The following RHBG variants were observed in gnomAD, a reference collection of about 807,000 sequenced individuals.
RHBG encodes Rh family B glycoprotein, also known as ammonium transporter Rh type B.
Under a neutral mutation model 40.1 loss-of-function variants are expected in RHBG, and 39 were observed. The observed-to-expected ratio is 0.97, with a 90% CI of 0.75 to 1.27. The LOEUF is 1.27. RHBG is among the 50% of genes most tolerant of loss of function. The pLI is 0.00. For synonymous variants in RHBG, 237 were observed against 252.5 expected (o/e 0.94, Z 0.58); for missense variants, 549 against 588.1 (o/e 0.93, Z 0.69).
At position 156,384,801 on chromosome 1, in the gene RHBG, G is replaced by A. The variant is rs772747845; in HGVS notation, c.1333G>A (p.Ala445Thr). The A allele has an allele frequency of 6.2e-7, 1 of 1,614,038 alleles. No individual in the cohort carries two copies. Among genetic ancestry groups the A allele is most frequent in the Non-Finnish European group, 8.5e-7 (1 of 1,179,972 alleles). Residue 445 changes from alanine (A) to threonine (T), a missense_variant, in exon 10 of 10, where the codon GCC becomes ACC. By Grantham distance (58) the Ala-to-Thr change is moderately conservative. Transcript: ENST00000537040. ...WQVPGEHEDK[A>T]QRPLRVEEAD... ...GGTGCCTGGCGAGCATGAGGATAAA[G>A]CCCAGAGACCTCTGAGGGTGGAGGA...
At chr1:156,379,953 T>G (rs992384715) in intron 4 of RHBG, among the ~76,000 whole-genome samples, 1 of 152,106 alleles carries the variant, frequency 6.6e-6, no homozygotes, top group Non-Finnish European at 1.5e-5. Context: ...GCCCAGCCCA[T>G]TCAGTACTCA....
At chr1:156,383,177 A>T (rs1032032719) in intron 8 of RHBG, among the ~76,000 whole-genome samples, 3 of 152,188 alleles carry the variant, frequency 2.0e-5, no homozygotes, top group African/African-American at 7.2e-5. Context: ...GAGGCCTAGA[A>T]GGGGATGGCT....
chr1:156,382,265 T>C (rs772403543), intron 7 of RHBG, 64 bp downstream of exon 7: 5 of 1,598,994 alleles, frequency 3.1e-6, no homozygotes, highest in Non-Finnish European at 4.3e-6. Flanking sequence ...GTCATTCTCT[T>C]TCACTGTGTG....
rs957770143 is a variant in RHBG, at chr1:156,377,230, G to C, written c.188-71G>C. 2 of 1,515,206 alleles carry C rather than the reference G, an allele frequency of 1.3e-6. No individual in the cohort carries two copies. The highest frequency in any genetic ancestry group is 1.8e-6 in the Non-Finnish European group (2 of 1,104,120). 93.9% of individuals were successfully genotyped at this position (1,515,206 alleles called of 1,614,324 possible). ...TGGTGAGAGCCAGGGGCACTGGCAG[G>C]GTAGCTGACTGGATTGTGGGCTATG... On this transcript the variant is annotated intron_variant, in intron 1 of 9. Coordinates refer to ENST00000537040, the MANE Select transcript of RHBG (RefSeq NM_020407.5). This position sits in a 1 kb window ranked among gnomAD's most constrained non-coding sequence, Gnocchi z 4.6.
At chr1:156,375,698 C>T (rs1437854484) in intron 1 of RHBG, among the ~76,000 whole-genome samples, 1 of 151,136 alleles carries the variant, frequency 6.6e-6, no homozygotes, top group Non-Finnish European at 1.5e-5. Flanking sequence ...TGGTGTGCCT[C>T]ATCAGATTCC....
chr1:156,374,982 G>A (rs1305194652), intron 1 of RHBG, among the ~76,000 whole-genome samples: 1 of 152,098 alleles, frequency 6.6e-6, no homozygotes, highest in Non-Finnish European at 1.5e-5. Context: ...TAGGATCTGG[G>A]TGATTTGGGG....
Position 156,369,235 on chromosome 1 carries a change from A to T in RHBG, c.-15A>T, listed in dbSNP as rs1666671544. The T allele has an allele frequency of 6.2e-7, 1 of 1,607,482 alleles. No homozygotes were observed. Among genetic ancestry groups the T allele is most frequent in the African/African-American group, 1.3e-5 (1 of 74,744 alleles). ...CCAAAGCCTGCGAGCGCCAGCCGAGATCGCAGCCCAACCCATGGCCGGGTC... is the reference window on the plus strand; with the variant it reads ...CCAAAGCCTGCGAGCGCCAGCCGAGTTCGCAGCCCAACCCATGGCCGGGTC... On this transcript the variant is annotated 5_prime_UTR_variant, in exon 1 of 10. Transcript: ENST00000537040.
intron 4 of RHBG, among the ~76,000 whole-genome samples, chr1:156,381,059 C>T (rs1268602104): frequency 6.6e-6 from 1 of 152,088 alleles, no homozygotes; most frequent in African/African-American, 2.4e-5. Context: ...GCTACCATGC[C>T]CAGCTAATTC....
chr1:156,374,504 C>T (rs553840783), intron 1 of RHBG: 44 of 361,102 alleles, frequency 1.2e-4, no homozygotes, highest in Admixed American at 6.9e-4. Context: ...TGAGAACATG[C>T]GGTGTTTAAC....
At chr1:156,376,610 C>T (rs980062323) in intron 1 of RHBG, among the ~76,000 whole-genome samples, 49 of 152,282 alleles carry the variant, frequency 3.2e-4, no homozygotes, top group African/African-American at 1.1e-3. Flanking sequence ...GCAGTCCACC[C>T]GCCTTGGCCT....
At position 156,382,863 on chromosome 1, in the gene RHBG, C is replaced by G; in HGVS notation, c.1228C>G (p.Leu410Val). Residue 410 changes from leucine (L) to valine (V), a missense_variant, in exon 8 of 10, where the codon CTT becomes GTT. By Grantham distance (32) the Leu-to-Val change is conservative. Coordinates refer to ENST00000537040, the MANE Select transcript of RHBG (RefSeq NM_020407.5). ...TLMFASVGGG[L>V]GGLLLKLPFL... ...GATGTTTGCCTCTGTGGGCGGGGGC[C>G]TTGGAGGTGAGTAACCTTGGATTTT... The G allele has an allele frequency of 6.2e-7, 1 of 1,614,190 alleles. No homozygotes were observed. Among genetic ancestry groups the G allele is most frequent in the Non-Finnish European group, 8.5e-7 (1 of 1,180,024 alleles).
intron 5 of RHBG, 102 bp downstream of exon 5, chr1:156,381,615 C>T: frequency 6.9e-7 from 1 of 1,447,784 alleles, no homozygotes; most frequent in Non-Finnish European, 9.3e-7. Context: ...CAGATAAGGG[C>T]ACAGGCATAG....
chr1:156,369,226 C>G lies in RHBG; in HGVS notation c.-24C>G. 1 of 1,605,740 alleles carries G rather than the reference C, an allele frequency of 6.2e-7. No individual in the cohort carries two copies. ...AATTGTCTGCCAAAGCCTGCGAGCG[C>G]CAGCCGAGATCGCAGCCCAACCCAT... On this transcript the variant is annotated 5_prime_UTR_variant, in exon 1 of 10. Transcript: ENST00000537040.
In RHBG at chr1:156,384,840, G is replaced by A. The variant is rs1049083891; in HGVS notation, c.1372G>A (p.Ala458Thr). The change falls in exon 10 of 10, where the codon GCC becomes ACC. Residue 458 changes from alanine (A) to threonine (T), a missense_variant. By Grantham distance (58) the Ala-to-Thr change is moderately conservative. This residue lies in a region of RHBG where 399 missense variants were observed against 417.0 expected (regional missense o/e 0.96). Coordinates refer to ENST00000537040, the MANE Select transcript of RHBG (RefSeq NM_020407.5). ...PLRVEEADTQ[A>T] Reference sequence around the variant, plus strand: ...GAGGGTGGAGGAGGCAGACACTCAGGCCTAACCCACTGCCAGCCCCTGAGA... The same window carrying A: ...GAGGGTGGAGGAGGCAGACACTCAGACCTAACCCACTGCCAGCCCCTGAGA... The A allele has an allele frequency of 3.1e-6, 5 of 1,608,388 alleles. No homozygotes were observed. Among genetic ancestry groups the A allele is most frequent in the Non-Finnish European group, 4.3e-6 (5 of 1,175,664 alleles).
intron 4 of RHBG, among the ~76,000 whole-genome samples, 156 bp from the exon 5 acceptor site, chr1:156,381,191 C>T (rs550270927): frequency 8.5e-5 from 13 of 152,300 alleles, no homozygotes; most frequent in African/African-American, 1.9e-4. Context: ...CGTGAGCCAC[C>T]GTGCCCAGCC....
rs781335209 is a variant in RHBG at position 156,382,143 on chromosome 1, G to A, written c.1054G>A (p.Gly352Arg). Residue 352 changes from glycine (G) to arginine (R), a missense_variant, in exon 7 of 10, where the codon GGG becomes AGG. Gly to Arg is a moderately radical substitution (Grantham distance 125). Coordinates refer to ENST00000537040, the MANE Select transcript of RHBG (RefSeq NM_020407.5). The part of the protein sequence containing the change: ...HNLHGMPGVL[G>R]ALLGVLVAGL... ...CCTCCATGGGATGCCGGGGGTCCTG[G>A]GGGCCCTCCTGGGGGTCCTTGTGGC... The A allele has an allele frequency of 3.1e-6, 5 of 1,613,942 alleles. No homozygotes were observed. In the East Asian group the frequency reaches 6.7e-5, roughly 22 times the overall value.
At chr1:156,375,777 G>A (rs1347754834) in intron 1 of RHBG, among the ~76,000 whole-genome samples, 3 of 149,330 alleles carry the variant, frequency 2.0e-5, no homozygotes, top group Non-Finnish European at 4.4e-5. Flanking sequence ...ATCTCACTCT[G>A]TTGCCAGGCT....
rs1373888784 is a variant in RHBG at position 156,382,066 on chromosome 1, A to AGCCCATCCTT, written c.979_988dup. 5.6e-6 allele frequency: 9 copies of AGCCCATCCTT among 1,610,216 alleles called. No homozygotes were observed. Among genetic ancestry groups the AGCCCATCCTT allele is most frequent in the Non-Finnish European group, 7.6e-6 (9 of 1,177,146 alleles). The stretch of plus-strand genomic sequence containing the variant: ...AGACTCATGATCTGTCTTGCCCTCC[A>AGCCCATCCTT]GCCCATCCTTGAATCAAAATTCAAA... On this transcript the variant is annotated splice_acceptor_variant, in intron 6 of 9. Transcript: ENST00000537040. LOFTEE classifies it high-confidence loss of function.
chr1:156,374,355 T>C (rs73010625), intron 1 of RHBG, among the ~76,000 whole-genome samples: 1 of 152,180 alleles, frequency 6.6e-6, no homozygotes, highest in Non-Finnish European at 1.5e-5. Context: ...CCTTCTATCT[T>C]AGATGTAATT....
Sources: gnomAD v4.1 joint callset for allele counts (sites outside exome capture counted in the v4.1 genomes callset) on GRCh38, gnomAD v4.1.1 for gene constraint, gnomAD v4.1.1 regional missense constraint, Gnocchi (gnomAD v3.1) non-coding constraint, MANE v1.5 for transcripts, NCBI Gene and HGNC (gene_info 2026-07-23, HGNC 2026-07-21) for gene names.